The following URGCP variants were observed in gnomAD, a reference collection of about 807,000 sequenced individuals.
URGCP encodes up-regulator of cell proliferation.
In URGCP, 13 loss-of-function variants were observed where a neutral mutation model predicts 24.6. The observed-to-expected ratio is 0.53, with a 90% CI of 0.34 to 0.84. The LOEUF (loss-of-function observed/expected upper bound fraction) is 0.84, where lower values mean the gene tolerates loss of function less well. Ranked by LOEUF, URGCP falls within the 40% of genes least tolerant of loss-of-function variation. The pLI, the probability that URGCP is intolerant of heterozygous loss-of-function variation, is 0.01. For synonymous variants in URGCP, 444 were observed against 487.2 expected (o/e 0.91, Z 1.17); for missense variants, 899 against 1,194.3 (o/e 0.75, Z 3.64).
At chr7:43,907,186 A>G (rs955396834), upstream of URGCP, 1 of 152,190 alleles carries the variant, frequency 6.6e-6, no homozygotes, top group African/African-American at 2.4e-5. Flanking sequence ...TTTCACAACT[A>G]TTCTTACAAG....
rs1258984715 is a variant in URGCP, at chr7:43,878,769, T to C, written c.694A>G (p.Met232Val). 1 of 1,614,112 alleles carries C rather than the reference T, an allele frequency of 6.2e-7. No individual in the cohort carries two copies. The highest frequency in any genetic ancestry group is 8.5e-7 in the Non-Finnish European group (1 of 1,179,984). Reference protein sequence around the residue: ...NHYHTFLLWAMRGIVRTWWSQ... With the variant: ...NHYHTFLLWAVRGIVRTWWSQ... ...CACCATGTCCTCACAATGCCCCGCA[T>C]GGCCCACAGCAGAAATGTATGGTAG... The change falls in exon 6 of 6, where the codon ATG (methionine) becomes GTG (valine). Residue 232 changes from methionine to valine, a missense_variant. Met to Val is a conservative substitution (Grantham distance 21). Coordinates refer to ENST00000453200, the MANE Select transcript of URGCP (RefSeq NM_001077663.3). This position sits in a 1 kb window ranked among gnomAD's most constrained non-coding sequence, Gnocchi z 5.6.
intron 1 of URGCP, chr7:43,919,417 C>T: frequency 1.1e-6 from 1 of 889,256 alleles, no homozygotes; most frequent in Non-Finnish European, 1.9e-6. Flanking sequence ...TCGGCCAGCA[C>T]CATCACCCTG....
In URGCP at chr7:43,887,429, GCTGTTCGTCTCT is replaced by G; in HGVS notation, c.86_97del (p.Glu29_Thr32del). ...TCCAACTTTACCTGCAATGGCCACAGCTGTTCGTCTCTCTGATGCTTTTATTTCTGGGGCTAC... is the reference window on the plus strand; with the variant it reads ...TCCAACTTTACCTGCAATGGCCACAGCTGATGCTTTTATTTCTGGGGCTAC... On this transcript the variant is annotated inframe_deletion, in exon 3 of 6. Coordinates refer to ENST00000453200, the MANE Select transcript of URGCP (RefSeq NM_001077663.3). 7 of 1,613,880 alleles carry G rather than the reference GCTGTTCGTCTCT, an allele frequency of 4.3e-6. No homozygotes were observed. The highest frequency in any genetic ancestry group is 8.5e-7 in the Non-Finnish European group (1 of 1,179,846).
chr7:43,919,278 C>A lies in URGCP; in HGVS notation c.-116+6854G>T. On this transcript the variant is annotated intron_variant, in intron 1 of 5. Coordinates refer to the URGCP transcript ENST00000426198. ...TAATTCACTCCTCACACTCAAGAGG[C>A]TGATGCAGAACGCAGACTGTGTGGT... 3 of 819,888 alleles carry A rather than the reference C, an allele frequency of 3.7e-6. No individual in the cohort carries two copies. In the South Asian group the frequency reaches 4.0e-5, roughly 11 times the overall value. The allele number at this position is 819,888 out of a possible 1,614,324, so 50.8% of individuals were successfully genotyped here.
exon 1 of URGCP, chr7:43,926,311 C>T (rs2095930276): frequency 4.4e-6 from 1 of 228,744 alleles, no homozygotes; most frequent in Non-Finnish European, 8.3e-6. Context: ...TGGTCGAAGC[C>T]ACAGGACCAG....
chr7:43,878,855 G>A lies in URGCP; in HGVS notation c.608C>T (p.Ala203Val), dbSNP rs764063126. 5.0e-6 allele frequency: 8 copies of A among 1,614,060 alleles called. No individual in the cohort carries two copies. Among genetic ancestry groups the A allele is most frequent in the Admixed American group, 1.7e-5 (1 of 59,994 alleles). Residue 203 changes from alanine to valine, a missense_variant, in exon 6 of 6, where the codon GCG (alanine) becomes GTG (valine). Coordinates refer to ENST00000453200, the MANE Select transcript of URGCP (RefSeq NM_001077663.3). This position sits in a 1 kb window ranked among gnomAD's most constrained non-coding sequence, Gnocchi z 5.6. The stretch of plus-strand genomic sequence containing the variant: ...AAACTGGCAGAGGGCCATTTTCAAC[G>A]CTATTTCTTGTTGCAGGAAACTGTC... ...SSDSFLQQEI[A>V]LKMALCQFAL...
chr7:43,926,607 G>A (rs994712940), upstream of URGCP: 2 of 1,526,924 alleles, frequency 1.3e-6, no homozygotes, highest in Non-Finnish European at 1.8e-6. Flanking sequence ...GCGTCGAGGT[G>A]TGGGCGGGGC....
At chr7:43,883,354 A>ATT (rs1281395529) in intron 3 of URGCP, among the ~76,000 whole-genome samples, 1 of 97,692 alleles carries the variant, frequency 1.0e-5, no homozygotes, top group African/African-American at 6.2e-5. Flanking sequence ...ATATATATAT[A>ATT]TATATATATT....
Position 43,878,395 on chromosome 7 carries a change from G to A in URGCP, c.1068C>T (p.Ser356=), listed in dbSNP as rs376845253. The part of the protein sequence containing the change: ...LQFKLLTEIS[S]AVFILTDNIS... ...TATTGTCAGTCAATATAAACACAGC[G>A]GAGGAGATTTCTGTCAAGAGCTTAA... Residue 356 remains serine (S), a synonymous_variant, in exon 6 of 6, where the codon TCC becomes TCT. Transcript: ENST00000453200. This position sits in a 1 kb window ranked among gnomAD's most constrained non-coding sequence, Gnocchi z 5.6. The A allele has an allele frequency of 8.7e-5, 141 of 1,614,064 alleles. No individual in the cohort carries two copies. Among genetic ancestry groups the A allele is most frequent in the East Asian group, 6.7e-5 (3 of 44,904 alleles).
intron 1 of URGCP, among the ~76,000 whole-genome samples, chr7:43,923,680 T>C (rs2095925319): frequency 6.6e-6 from 1 of 152,186 alleles, no homozygotes; most frequent in South Asian, 2.1e-4. Context: ...ATTGGGTTAT[T>C]TGTCTTTTTT....
At chr7:43,885,594 T>A (rs2132664261) in intron 3 of URGCP, among the ~76,000 whole-genome samples, 1 of 152,292 alleles carries the variant, frequency 6.6e-6, no homozygotes, top group South Asian at 2.1e-4. Flanking sequence ...CCAGGGTGTC[T>A]CTGTGCCTTG....
intron 1 of URGCP, chr7:43,919,334 T>G (rs1442491688): frequency 2.4e-6 from 2 of 837,236 alleles, no homozygotes; most frequent in African/African-American, 3.3e-5. Flanking sequence ...TGAACCAGAT[T>G]GCCACAGACC....
chr7:43,918,687 C>A, intron 1 of URGCP: 1 of 663,244 alleles, frequency 1.5e-6, no homozygotes, highest in South Asian at 1.8e-5. Flanking sequence ...ACTCTGGTGC[C>A]TGAGGAGCGA....
intron 3 of URGCP, 24 bp from the exon 4 acceptor site, chr7:43,881,981 A>G (rs2132655709): frequency 6.2e-7 from 1 of 1,613,924 alleles, no homozygotes; most frequent in South Asian, 1.1e-5. Flanking sequence ...GAAACCAAAT[A>G]CATTTAGTTT....
rs1224374550 is a variant in URGCP, at chr7:43,906,564, G to A, written c.12C>T (p.Pro4=). The A allele has an allele frequency of 7.2e-6, 9 of 1,242,386 alleles. No individual in the cohort carries two copies. The highest frequency in any genetic ancestry group is 2.5e-5 in the South Asian group (1 of 40,646). 77.0% of individuals were successfully genotyped at this position (1,242,386 alleles called of 1,614,324 possible). A position where few individuals can be genotyped will look rare whatever the true frequency, so the allele number is the denominator to read the frequency against. The change falls in exon 1 of 6, where the codon CCC becomes CCT. Residue 4 remains proline (P), a splice_region_variant and synonymous_variant. Transcript: ENST00000453200. ...AGGGCCTGCGAGGCGGCACTCACCC[G>A]GGCGACGCCATGAGCGCAGCGAGGT... MAS[P]GIEVELLGKG... is the part of the protein sequence containing the mutation.
intron 1 of URGCP, chr7:43,918,697 A>T: frequency 5.8e-6 from 4 of 686,062 alleles, no homozygotes; most frequent in Non-Finnish European, 1.1e-5. Context: ...CTGAGGAGCG[A>T]TACCAAGAGA....
chr7:43,876,371 A>G lies in URGCP; in HGVS notation c.*296T>C. The G allele has an allele frequency of 2.6e-6, 1 of 391,522 alleles. No individual in the cohort carries two copies. Among genetic ancestry groups the G allele is most frequent in the South Asian group, 2.9e-5 (1 of 34,486 alleles). 24.3% of individuals were successfully genotyped at this position (391,522 alleles called of 1,614,324 possible). A position where few individuals can be genotyped will look rare whatever the true frequency, so the allele number is the denominator to read the frequency against. ...CAGGGGCCAGTGACAGAGAGCAGCT[A>G]TACAGAGGGCCCACCCCGCAGGATC... is the stretch of plus-strand genomic sequence containing the variant. On this transcript the variant is annotated 3_prime_UTR_variant, in exon 6 of 6. Transcript: ENST00000453200.
Position 43,876,801 on chromosome 7 carries a change from T to C in URGCP, c.2662A>G (p.Met888Val), listed in dbSNP as rs1284701243. The C allele has an allele frequency of 3.7e-6, 6 of 1,614,116 alleles. No individual in the cohort carries two copies. Among genetic ancestry groups the C allele is most frequent in the Non-Finnish European group, 4.2e-6 (5 of 1,180,054 alleles). ...CTGTAGGCCAAGCTCACTGCGGCCATGGGAGGTGCTCCGTGCCACAGGCCT... is the reference window on the plus strand; with the variant it reads ...CTGTAGGCCAAGCTCACTGCGGCCACGGGAGGTGCTCCGTGCCACAGGCCT... ...IPGLWHGAPP[M>V]AAVSLAYSEA... is the part of the protein sequence containing the mutation. Residue 888 changes from methionine (M) to valine (V), a missense_variant, in exon 6 of 6, where the codon ATG (methionine) becomes GTG (valine). Transcript: ENST00000453200.
At chr7:43,915,408 T>G (rs2095914428) in intron 1 of URGCP, among the ~76,000 whole-genome samples, 1 of 152,220 alleles carries the variant, frequency 6.6e-6, no homozygotes, top group South Asian at 2.1e-4. Context: ...TCTCAGGGAC[T>G]GGGAATGTCA....
Sources: gnomAD v4.1 joint callset for allele counts (sites outside exome capture counted in the v4.1 genomes callset) on GRCh38, gnomAD v4.1.1 for gene constraint, Gnocchi (gnomAD v3.1) non-coding constraint, MANE v1.5 for transcripts, NCBI Gene and HGNC (gene_info 2026-07-23, HGNC 2026-07-21) for gene names.